Variants in DMXL2 observed in about 807,000 individuals in gnomAD.
DMXL2 encodes Dmx like 2, also known as dmX-like protein 2.
DMXL2 carries 103 observed loss-of-function variants against 331.1 expected under a neutral mutation model. The ratio of observed to expected loss-of-function variants is 0.31; its 90% confidence interval spans 0.27 to 0.37. The LOEUF is 0.37. Among genes scored for constraint, DMXL2 ranks in the 10% least tolerant of loss-of-function variants. DMXL2 has a pLI of 1.00. For synonymous variants in DMXL2, 1,281 were observed against 1,252.1 expected, an observed-to-expected ratio of 1.02 and a Z score of -0.49; for missense variants, 3,171 against 3,642.9, an observed-to-expected ratio of 0.87 and a Z score of 3.33.
In DMXL2 at chr15:51,566,369, C is replaced by A. The variant is rs113058822; in HGVS notation, c.286-1203G>T. ...TATTTTTAAACCCTACCACTGCTGA[C>A]CAAACAACAATCACAACAGCATAAC... is the stretch of plus-strand genomic sequence containing the variant. On this transcript the variant is annotated intron_variant, in intron 3 of 43. Transcript: ENST00000560891. Among the ~76,000 whole-genome samples the A allele has an allele frequency of 2.6e-5, 4 of 151,972 alleles. 1 individual carries two copies. The South Asian group carries it at 8.3e-4, about 32-fold the overall frequency.
intron 1 of DMXL2, among the ~76,000 whole-genome samples, chr15:51,577,874 A>G (rs1263028623): frequency 6.6e-6 from 1 of 152,198 alleles, no homozygotes; most frequent in Non-Finnish European, 1.5e-5. Context: ...GAAGCAAATA[A>G]TACTTGTCTC....
At chr15:51,451,951 A>G (rs970684774) in intron 41 of DMXL2, among the ~76,000 whole-genome samples, 5 of 152,188 alleles carry the variant, frequency 3.3e-5, no homozygotes, top group Non-Finnish European at 4.4e-5. Context: ...GGAAACTGAT[A>G]TGACTTCCTG....
In DMXL2 at chr15:51,496,017, T is replaced by G. The variant is rs529969683; in HGVS notation, c.4673-883A>C. ...TGCACCAACCTAATATGTATCTATT[T>G]ATTTATTTATGGACATGAGATCTCA... On this transcript the variant is annotated intron_variant, in intron 18 of 43. Coordinates refer to ENST00000560891, the MANE Select transcript of DMXL2 (RefSeq NM_001378457.1). Among the ~76,000 whole-genome samples the G allele has an allele frequency of 2.0e-5, 3 of 152,200 alleles. No individual in the cohort carries two copies. In the East Asian group the frequency reaches 5.8e-4, roughly 29 times the overall value.
intron 33 of DMXL2, chr15:51,463,114 T>A (rs1482203192): frequency 8.1e-6 from 2 of 248,176 alleles, no homozygotes; most frequent in Non-Finnish European, 1.6e-5. Flanking sequence ...CAATGTTTAT[T>A]ATGTGTAAAA....
intron 37 of DMXL2, among the ~76,000 whole-genome samples, chr15:51,456,842 G>C (rs188541889): frequency 1.6e-4 from 25 of 152,242 alleles, no homozygotes; most frequent in Non-Finnish European, 2.9e-4. Context: ...CTACCACCTA[G>C]GATTGTTGTG....
chr15:51,475,985 T>C lies in DMXL2; in HGVS notation c.6964+604A>G, dbSNP rs541780321. ...GTGAAATTTAGTATTATGTTTGCAATTTTTTGCAAGTCTGAAATTATTTTG... is the reference window on the plus strand; with the variant it reads ...GTGAAATTTAGTATTATGTTTGCAACTTTTTGCAAGTCTGAAATTATTTTG... On this transcript the variant is annotated intron_variant, in intron 27 of 43. Coordinates refer to ENST00000560891, the MANE Select transcript of DMXL2 (RefSeq NM_001378457.1). 1.9e-4 allele frequency among the ~76,000 whole-genome samples: 29 copies of C among 152,304 alleles called. No homozygotes were observed. The East Asian group carries it at 5.6e-3, about 29-fold the overall frequency.
chr15:51,547,235 C>T lies in DMXL2; in HGVS notation c.741G>A (p.Met247Ile). The stretch of plus-strand genomic sequence containing the variant: ...ACATGATTCATTCATCTAACCTGGG[C>T]ATATACTTGCTAGTTTTGCGCCACG... The part of the protein sequence containing the change: ...GFSWRKTSKY[M>I]PRGSVCNVLL... The change falls in exon 7 of 44, where the codon ATG becomes ATA. Residue 247 changes from methionine (M) to isoleucine (I), a missense_variant. Around this residue, in one of 7 missense-constraint regions of DMXL2, gnomAD observed 1,674 missense variants for 1,780.2 expected, o/e 0.94. Transcript: ENST00000560891. The T allele has an allele frequency of 6.2e-7, 1 of 1,607,194 alleles. No individual in the cohort carries two copies. Among genetic ancestry groups the T allele is most frequent in the Non-Finnish European group, 8.5e-7 (1 of 1,177,222 alleles).
chr15:51,556,646 C>T (rs1051213805), intron 6 of DMXL2, among the ~76,000 whole-genome samples: 6 of 151,864 alleles, frequency 4.0e-5, no homozygotes, highest in Non-Finnish European at 8.8e-5. Flanking sequence ...GTGATGGGTG[C>T]CTGTAGTCCC....
Position 51,499,319 on chromosome 15 carries a change from T to C in DMXL2, c.3905A>G (p.Lys1302Arg). 1 of 1,613,988 alleles carries C rather than the reference T, an allele frequency of 6.2e-7. No individual in the cohort carries two copies. Among genetic ancestry groups the C allele is most frequent in the Non-Finnish European group, 8.5e-7 (1 of 1,180,026 alleles). ...EAAMQDHSTF[K>R]SNMLARKSVV... Reference sequence around the variant, plus strand: ...ACTTTTTCTTGCCAGCATATTAGATTTAAAGGTCGAATGATCTTGCATTGC... The same window carrying C: ...ACTTTTTCTTGCCAGCATATTAGATCTAAAGGTCGAATGATCTTGCATTGC... Residue 1302 changes from lysine to arginine, a missense_variant, in exon 18 of 44, where the codon AAA becomes AGA. Lys to Arg is a conservative substitution (Grantham distance 26). Transcript: ENST00000560891.
intron 13 of DMXL2, among the ~76,000 whole-genome samples, chr15:51,533,984 G>A (rs570432445): frequency 2.3e-4 from 35 of 152,224 alleles, no homozygotes; most frequent in South Asian, 2.1e-3. Flanking sequence ...GTTTAGTTGT[G>A]CTTAGCAAGA....
intron 8 of DMXL2, among the ~76,000 whole-genome samples, chr15:51,544,463 CA>C (rs2048783118): frequency 6.6e-6 from 1 of 152,100 alleles, no homozygotes; most frequent in African/African-American, 2.4e-5. Flanking sequence ...GACCATGAGC[CA>C]ATTAAACCTC....
intron 1 of DMXL2, among the ~76,000 whole-genome samples, chr15:51,615,119 T>C (rs1439798675): frequency 6.6e-6 from 1 of 151,870 alleles, no homozygotes; most frequent in Admixed American, 6.6e-5. Context: ...AAAAGTGGAG[T>C]TGCTATTTAT....
At chr15:51,457,304 G>A (rs1394507140) in intron 37 of DMXL2, 24 bp downstream of exon 37, 1 of 1,602,886 alleles carries the variant, frequency 6.2e-7, no homozygotes, top group African/African-American at 1.3e-5. Context: ...ATCCAGAAAT[G>A]ATACCTATAA....
At chr15:51,547,105 T>G in intron 7 of DMXL2, 125 bp downstream of exon 7, 2 of 808,844 alleles carry the variant, frequency 2.5e-6, no homozygotes, top group South Asian at 4.7e-5. Context: ...GGATTTGATT[T>G]CAGGCAGCTT....
At chr15:51,598,574 C>T (rs2053001479) in intron 1 of DMXL2, among the ~76,000 whole-genome samples, 1 of 152,178 alleles carries the variant, frequency 6.6e-6, no homozygotes, top group Admixed American at 6.5e-5. Flanking sequence ...AATAATTCTT[C>T]ACTCTTTCTT....
chr15:51,488,640 G>T lies in DMXL2; in HGVS notation c.4959C>A (p.Ala1653=). The T allele has an allele frequency of 6.2e-7, 1 of 1,603,118 alleles. No individual in the cohort carries two copies. Among genetic ancestry groups the T allele is most frequent in the South Asian group, 1.1e-5 (1 of 88,432 alleles). The change falls in exon 21 of 44, where the codon GCC becomes GCA. Residue 1653 remains alanine (A), a synonymous_variant. Transcript: ENST00000560891. ...CATTGTTCCTTTGAAAAGAAGCTTT[G>T]GCAACCTAAATGATAAATAAAATAT... is the stretch of plus-strand genomic sequence containing the variant. ...NTLRRCIEKV[A]KASFQRNNDA...
At chr15:51,594,372 T>G (rs1186763665) in intron 1 of DMXL2, among the ~76,000 whole-genome samples, 1 of 151,788 alleles carries the variant, frequency 6.6e-6, no homozygotes, top group Admixed American at 6.6e-5. Context: ...CAGGAAGAAG[T>G]TGAATCTCTG....
chr15:51,621,798 C>A (rs2054644678), intron 1 of DMXL2, among the ~76,000 whole-genome samples: 1 of 151,936 alleles, frequency 6.6e-6, no homozygotes, highest in Non-Finnish European at 1.5e-5. Flanking sequence ...GATTACCAAA[C>A]TACGACCTCC....
At chr15:51,550,098 C>T (rs920485877) in intron 6 of DMXL2, among the ~76,000 whole-genome samples, 1 of 152,108 alleles carries the variant, frequency 6.6e-6, no homozygotes, top group African/African-American at 2.4e-5. Context: ...AAGTTTCATA[C>T]TAGAGTTGTA....
Sources: gnomAD v4.1 joint callset for allele counts (sites outside exome capture counted in the v4.1 genomes callset) on GRCh38, gnomAD v4.1.1 for gene constraint, gnomAD v4.1.1 regional missense constraint, MANE v1.5 for transcripts, NCBI Gene and HGNC (gene_info 2026-07-23, HGNC 2026-07-21) for gene names.